LTBP1: variants seen among roughly 807,000 people sequenced by gnomAD.
The protein encoded by LTBP1 is latent-transforming growth factor beta-binding protein 1.
A neutral mutation model predicts 207.6 loss-of-function variants in LTBP1; 129 were observed. That is an observed-to-expected ratio of 0.62 (90% CI 0.54 to 0.72). The LOEUF (loss-of-function observed/expected upper bound fraction) is 0.72. LTBP1 is among the 30% of genes least tolerant of loss of function. LTBP1 has a pLI of 0.00. For synonymous variants in LTBP1, 963 were observed against 833.7 expected, an observed-to-expected ratio of 1.16 and a Z score of -2.67; for missense variants, 2,281 against 2,217.2, an observed-to-expected ratio of 1.03 and a Z score of -0.58.
intron 5 of LTBP1, 73 bp from the exon 6 acceptor site, chr2:33,186,783 G>A: frequency 1.7e-6 from 2 of 1,169,572 alleles, no homozygotes; most frequent in Non-Finnish European, 2.5e-6. Flanking sequence ...TGTTTTGCAG[G>A]TTTTGTTGGT....
Position 33,000,540 on chromosome 2 carries a change from G to C in LTBP1, c.566-20369G>C, listed in dbSNP as rs371623131. 5.9e-5 allele frequency among the ~76,000 whole-genome samples: 8 copies of C among 135,228 alleles called. 2 individuals carry two copies. The highest frequency in any genetic ancestry group is 2.1e-4 in the African/African-American group (8 of 38,878). The allele number at this position is 135,228 out of a possible 152,430, so 88.7% of individuals were successfully genotyped here. On this transcript the variant is annotated intron_variant, in intron 2 of 33. Coordinates refer to ENST00000404816, the MANE Select transcript of LTBP1 (RefSeq NM_206943.4). ...GCATGCTGTTTGCAAGTGGTCGCAGGTTTCCTGCCCAGCACACTGCCACTG... is the reference window on the plus strand; with the variant it reads ...GCATGCTGTTTGCAAGTGGTCGCAGCTTTCCTGCCCAGCACACTGCCACTG...
chr2:33,351,885 C>G (rs2094786804), intron 26 of LTBP1, among the ~76,000 whole-genome samples: 1 of 152,296 alleles, frequency 6.6e-6, no homozygotes, highest in South Asian at 2.1e-4. Flanking sequence ...CAGTTACATG[C>G]TTAGCTGTCA....
intron 23 of LTBP1, among the ~76,000 whole-genome samples, chr2:33,314,774 C>T (rs1054710603): frequency 6.6e-6 from 1 of 152,166 alleles, no homozygotes; most frequent in Non-Finnish European, 1.5e-5. Flanking sequence ...ACTATAACAG[C>T]TGTGTGCATG....
At position 33,373,497 on chromosome 2, in the gene LTBP1, A is replaced by G. The variant is rs143543772; in HGVS notation, c.4711+7994A>G. On this transcript the variant is annotated intron_variant, in intron 31 of 33. Coordinates refer to ENST00000404816, the MANE Select transcript of LTBP1 (RefSeq NM_206943.4). ...CACTTAGTGAGGATCTGTTGAGTCA[A>G]AGCAATGTCAGTATGTATCCAACTT... 8.4e-3 allele frequency among the ~76,000 whole-genome samples: 1,285 copies of G among 152,328 alleles called. 15 individuals are homozygous for G. The highest frequency in any genetic ancestry group is 0.03 in the African/African-American group (1,246 of 41,556).
intron 24 of LTBP1, among the ~76,000 whole-genome samples, chr2:33,338,151 C>G (rs2094574287): frequency 6.6e-6 from 1 of 152,146 alleles, no homozygotes; most frequent in African/African-American, 2.4e-5. Context: ...ATATTAGTTG[C>G]TGAAGAGCTA....
In LTBP1 at chr2:33,300,555, G is replaced by C. The variant is rs775703230; in HGVS notation, c.3340G>C (p.Ala1114Pro). Residue 1114 changes from alanine to proline, a missense_variant, in exon 21 of 34, where the codon GCT (alanine) becomes CCT (proline). By Grantham distance (27) the Ala-to-Pro change is conservative. Around this residue, in one of 3 missense-constraint regions of LTBP1, gnomAD observed 1,671 missense variants for 1,634.8 expected, o/e 1.02. Coordinates refer to ENST00000404816, the MANE Select transcript of LTBP1 (RefSeq NM_206943.4). ...TGGACAGGGGTACCAGCTGTCGGCA[G>C]CTAAAGACCAGTGTGAAGGTAAGAG... ...TCGQGYQLSA[A>P]KDQCEDIDEC... is the part of the protein sequence containing the mutation. 2.0e-5 allele frequency: 32 copies of C among 1,613,452 alleles called. No homozygotes were observed. The South Asian group carries it at 3.5e-4, about 18-fold the overall frequency.
chr2:33,179,067 T>TA (rs1298064296), intron 5 of LTBP1, among the ~76,000 whole-genome samples: 1 of 152,104 alleles, frequency 6.6e-6, no homozygotes, highest in African/African-American at 2.4e-5. Flanking sequence ...TTGCTGTTTT[T>TA]AAAAAGTCAC....
chr2:33,055,913 G>A (rs546287516), intron 3 of LTBP1, among the ~76,000 whole-genome samples: 6 of 152,148 alleles, frequency 3.9e-5, no homozygotes, highest in Non-Finnish European at 8.8e-5. Context: ...ATGAGAGGAT[G>A]ATTATCATTA....
At chr2:33,370,925 A>G (rs1024807343) in intron 31 of LTBP1, among the ~76,000 whole-genome samples, 4 of 152,226 alleles carry the variant, frequency 2.6e-5, no homozygotes, top group Non-Finnish European at 5.9e-5. Flanking sequence ...GAGCTTTCAC[A>G]CTTCTGGTCC....
At chr2:33,055,357 C>T (rs1482334539) in intron 3 of LTBP1, among the ~76,000 whole-genome samples, 2 of 152,130 alleles carry the variant, frequency 1.3e-5, no homozygotes, top group Non-Finnish European at 2.9e-5. Flanking sequence ...TCTTCCTTTC[C>T]CTGAGTTATG....
chr2:32,952,908 G>A (rs1264644848), intron 2 of LTBP1, among the ~76,000 whole-genome samples: 2 of 152,210 alleles, frequency 1.3e-5, no homozygotes, highest in Non-Finnish European at 2.9e-5. Flanking sequence ...CACATTGCAG[G>A]CCTTCCATAC....
intron 11 of LTBP1, among the ~76,000 whole-genome samples, chr2:33,256,724 C>CTACA (rs2092864295): frequency 1.5e-5 from 1 of 68,840 alleles, no homozygotes; most frequent in African/African-American, 6.6e-5. Context: ...GGAGGGCTAA[C>CTACA]TATATATATA....
At chr2:33,397,698 A>G (rs912041687) in intron 33 of LTBP1, among the ~76,000 whole-genome samples, 14 of 82,752 alleles carry the variant, frequency 1.7e-4, no homozygotes, top group African/African-American at 6.3e-4. Flanking sequence ...TTTTTTTTGT[A>G]TTTTTAGTAG....
chr2:33,013,280 C>T (rs1396075574), intron 2 of LTBP1, among the ~76,000 whole-genome samples: 5 of 152,042 alleles, frequency 3.3e-5, no homozygotes, highest in Non-Finnish European at 7.4e-5. Flanking sequence ...TGATGTATCT[C>T]CTTGTTTTAG....
chr2:33,167,548 A>C (rs1160746376), intron 5 of LTBP1, among the ~76,000 whole-genome samples: 2 of 152,226 alleles, frequency 1.3e-5, no homozygotes, highest in Non-Finnish European at 2.9e-5. Context: ...CCTGCACACA[A>C]GCATTTGTTG....
intron 2 of LTBP1, among the ~76,000 whole-genome samples, chr2:32,982,523 C>T (rs1288393097): frequency 1.3e-5 from 2 of 152,232 alleles, no homozygotes; most frequent in East Asian, 3.9e-4. Context: ...ATCACCAAGA[C>T]AGTGGGGAAA....
chr2:33,231,211 G>A (rs1463967494), intron 9 of LTBP1, among the ~76,000 whole-genome samples: 2 of 152,176 alleles, frequency 1.3e-5, no homozygotes, highest in Non-Finnish European at 2.9e-5. Context: ...CTATGAGCCC[G>A]TTAAAGGAAA....
chr2:33,154,751 G>T (rs1437792400), intron 5 of LTBP1, among the ~76,000 whole-genome samples: 1 of 152,118 alleles, frequency 6.6e-6, no homozygotes, highest in Non-Finnish European at 1.5e-5. Flanking sequence ...ATAAATATTT[G>T]CCAAATTATC....
intron 4 of LTBP1, among the ~76,000 whole-genome samples, chr2:33,124,689 A>G (rs187931460): frequency 4.6e-5 from 7 of 152,368 alleles, no homozygotes; most frequent in Admixed American, 3.9e-4. Context: ...AAATGTCACT[A>G]CTGGTTTGAG....
Sources: gnomAD v4.1 joint callset for allele counts (sites outside exome capture counted in the v4.1 genomes callset) on GRCh38, gnomAD v4.1.1 for gene constraint, gnomAD v4.1.1 regional missense constraint, MANE v1.5 for transcripts, NCBI Gene and HGNC (gene_info 2026-07-23, HGNC 2026-07-21) for gene names.